The following HCFC1 variants were observed in gnomAD, a reference collection of about 807,000 sequenced individuals.
HCFC1 encodes the protein host cell factor C1.
HCFC1 carries 7 observed loss-of-function variants against 105.5 expected under a neutral mutation model. The ratio of observed to expected loss-of-function variants is 0.07; its 90% CI spans 0.04 to 0.12. The LOEUF is 0.12. Among genes scored for constraint, HCFC1 ranks in the 10% least tolerant of loss-of-function variants. The pLI is 1.00. For missense variants in HCFC1, 1,065 were observed against 1,823.6 expected, an observed-to-expected ratio of 0.58 and a Z score of 7.58; for synonymous variants, 918 against 828.1, an observed-to-expected ratio of 1.11 and a Z score of -1.86.
In HCFC1 at chrX:153,949,052, C is replaced by T. The variant is rs2065283599; in HGVS notation, c.*295G>A. 9 of 234,244 alleles carry T rather than the reference C, an allele frequency of 3.8e-5. No homozygotes were observed. Among genetic ancestry groups the T allele is most frequent in the Admixed American group, 6.5e-5 (1 of 15,462 alleles). The allele number at this position is 234,244 out of a possible 1,213,427, so 19.3% of individuals were successfully genotyped here. ...AGGGCGGAGCTGGCTGTCCTCAGCT[C>T]CGCCTTCCCTCCCCGCAAAAGTCTC... On this transcript the variant is annotated 3_prime_UTR_variant, in exon 26 of 26. Coordinates refer to ENST00000310441, the MANE Select transcript of HCFC1 (RefSeq NM_005334.3).
chrX:153,970,555 G>A, intron 1 of HCFC1, 93 bp downstream of exon 1: 1 of 582,841 alleles, frequency 1.7e-6, no homozygotes, highest in South Asian at 2.8e-5. Context: ...GGAGGAGAGG[G>A]AGGGAGCAGA....
intron 1 of HCFC1, among the ~76,000 whole-genome samples, chrX:153,965,023 G>A (rs1408077026): frequency 9.0e-6 from 1 of 111,043 alleles, no homozygotes; most frequent in African/African-American, 3.3e-5. Flanking sequence ...TCCTTCCCTA[G>A]CACTCAGTGA....
chrX:153,950,146 C>T, intron 24 of HCFC1, 97 bp downstream of exon 24: 1 of 921,739 alleles, frequency 1.1e-6, no homozygotes, highest in South Asian at 2.5e-5. Context: ...GGAGACGCCG[C>T]ACATGGGAAA....
Position 153,971,342 on chromosome X carries a change from G to C in HCFC1, c.-502C>G, listed in dbSNP as rs1020594425. ...GTCGTCGCAGCCCCGCCGGCGCTCAGACCACAATTGTGGGAGCCGCCATCT... is the reference window on the plus strand; with the variant it reads ...GTCGTCGCAGCCCCGCCGGCGCTCACACCACAATTGTGGGAGCCGCCATCT... On this transcript the variant is annotated 5_prime_UTR_variant, in exon 1 of 26. Coordinates refer to ENST00000310441, the MANE Select transcript of HCFC1 (RefSeq NM_005334.3). 3.4e-6 allele frequency: 1 copy of C among 297,301 alleles called. No homozygotes were observed. The highest frequency in any genetic ancestry group is 6.1e-5 in the Admixed American group (1 of 16,488). 24.5% of individuals were successfully genotyped at this position (297,301 alleles called of 1,213,427 possible).
chrX:153,962,051 TC>T (rs1341009455), intron 5 of HCFC1, among the ~76,000 whole-genome samples, 170 bp downstream of exon 5: 1 of 111,446 alleles, frequency 9.0e-6, no homozygotes, highest in Non-Finnish European at 1.9e-5. Context: ...AATCTGTCTT[TC>T]CTTGGTCCCC....
chrX:153,958,193 C>T lies in HCFC1; in HGVS notation c.1860G>A (p.Ser620=), dbSNP rs2065396257. 1.7e-6 allele frequency: 2 copies of T among 1,211,951 alleles called. No homozygotes were observed. ...LKTAAAQVGT[S]VSSATNTSTR... The stretch of plus-strand genomic sequence containing the variant: ...TAGACGTGTTGGTGGCGGAGGAAAC[C>T]GATGTCCCCACCTGGGCGGCTGCAG... Residue 620 remains serine (S), a synonymous_variant, in exon 11 of 26, where the codon TCG becomes TCA. Transcript: ENST00000310441.
intron 22 of HCFC1, 38 bp downstream of exon 22, chrX:153,951,312 C>T: frequency 8.3e-7 from 1 of 1,202,477 alleles, no homozygotes; most frequent in South Asian, 1.8e-5. Flanking sequence ...GAGCCAAGAC[C>T]CACCCACCTG....
At chrX:153,969,296 G>C (rs2065502426) in intron 1 of HCFC1, 1 of 110,915 alleles carries the variant, frequency 9.0e-6, no homozygotes, top group Non-Finnish European at 1.9e-5. Flanking sequence ...CACTCAGCGA[G>C]GGTTTGTCTG....
intron 1 of HCFC1, among the ~76,000 whole-genome samples, 195 bp downstream of exon 1, chrX:153,970,453 G>C (rs2065517831): frequency 1.0e-5 from 1 of 96,439 alleles, no homozygotes; most frequent in Non-Finnish European, 2.1e-5. Flanking sequence ...GGGGAGAAGG[G>C]GGAGGGGGAC....
chrX:153,951,538 A>ACGGACTCAG (rs782089641), intron 21 of HCFC1, 51 bp from the exon 22 acceptor site: 86 of 1,205,290 alleles, frequency 7.1e-5, no homozygotes, highest in Non-Finnish European at 9.1e-5. Context: ...ACCTAGAGGC[A>ACGGACTCAG]GTGCTGCCCC....
intron 15 of HCFC1, 92 bp downstream of exon 15, chrX:153,956,533 C>T: frequency 8.8e-7 from 1 of 1,136,472 alleles, no homozygotes; most frequent in African/African-American, 1.8e-5. Context: ...AGAGGAGCTG[C>T]TGTGCCACCC....
intron 13 of HCFC1, 122 bp downstream of exon 13, chrX:153,957,191 AG>A: frequency 2.1e-6 from 2 of 966,954 alleles, no homozygotes; most frequent in Non-Finnish European, 2.8e-6. Flanking sequence ...TAGACACAAA[AG>A]GCAGCAAGGA....
At chrX:153,951,070 G>A (rs1749122493) in intron 22 of HCFC1, 72 bp from the exon 23 acceptor site, 3 of 994,887 alleles carry the variant, frequency 3.0e-6, no homozygotes, top group Non-Finnish European at 4.2e-6. Context: ...AACACTGCAG[G>A]TCCATGGTAA....
rs372516617 is a variant in HCFC1 at position 153,962,302 on chromosome X, G to C, written c.717C>G (p.Thr239=). The C allele has an allele frequency of 8.1e-4, 968 of 1,200,762 alleles. 1 individual carries two copies. Among genetic ancestry groups the C allele is most frequent in the Non-Finnish European group, 1.1e-3 (949 of 887,163 alleles). The stretch of plus-strand genomic sequence containing the variant: ...TGAGACTGGGCTTATTCCACGTCAG[G>C]GTGTCTGCAGAGAGACGGAGGGGAA... ...LGDLWTLDID[T]LTWNKPSLSG... The change falls in exon 5 of 26, where the codon ACC becomes ACG. Residue 239 remains threonine, a synonymous_variant. Coordinates refer to ENST00000310441, the MANE Select transcript of HCFC1 (RefSeq NM_005334.3).
chrX:153,956,467 G>T, intron 15 of HCFC1, 56 bp from the exon 16 acceptor site: 1 of 1,139,946 alleles, frequency 8.8e-7, no homozygotes, highest in Non-Finnish European at 1.2e-6. Context: ...CTTCCCAGCA[G>T]CTCCTCCTGC....
chrX:153,970,862 G>A lies in HCFC1; in HGVS notation c.-22C>T. 1 of 1,128,124 alleles carries A rather than the reference G, an allele frequency of 8.9e-7. No individual in the cohort carries two copies. 93.0% of individuals were successfully genotyped at this position (1,128,124 alleles called of 1,213,427 possible). A position where few individuals can be genotyped will look rare whatever the true frequency, so the allele number is the denominator to read the frequency against. On this transcript the variant is annotated 5_prime_UTR_variant, in exon 1 of 26. Coordinates refer to ENST00000310441, the MANE Select transcript of HCFC1 (RefSeq NM_005334.3). Reference sequence around the variant, plus strand: ...CCATAGTTCCGGGAAAGGGTGCGGTGGGGAGAAGTCAACAAGCGGGAAGGG... The same window carrying A: ...CCATAGTTCCGGGAAAGGGTGCGGTAGGGAGAAGTCAACAAGCGGGAAGGG...
At chrX:153,960,554 CAAAG>C in intron 6 of HCFC1, 140 bp from the exon 7 acceptor site, 1 of 428,996 alleles carries the variant, frequency 2.3e-6, no homozygotes, top group Non-Finnish European at 3.8e-6. Flanking sequence ...AACAACAAAA[CAAAG>C]AAACCCTTTG....
rs2065381323 is a variant in HCFC1, at chrX:153,956,775, G to A, written c.2497-12C>T. ...CCCTTAAGCACCACCTGGAACACCA[G>A]AGGAAAGTGCCACCAACGTCACCAC... On this transcript the variant is annotated splice_polypyrimidine_tract_variant and intron_variant, in intron 14 of 25. Transcript: ENST00000310441. 3 of 1,208,621 alleles carry A rather than the reference G, an allele frequency of 2.5e-6. No homozygotes were observed. The highest frequency in any genetic ancestry group is 1.7e-5 in the African/African-American group (1 of 57,236).
rs1194317985 is a variant in HCFC1 at position 153,953,622 on chromosome X, C to T, written c.4482G>A (p.Pro1494=). The T allele has an allele frequency of 1.1e-5, 13 of 1,207,170 alleles. No homozygotes were observed. The highest frequency in any genetic ancestry group is 7.1e-5 in the South Asian group (4 of 56,707). Residue 1494 remains proline, a synonymous_variant, in exon 18 of 26, where the codon CCG becomes CCA. Transcript: ENST00000310441. The part of the protein sequence containing the change: ...VTTVTQSTPV[P]GPSVPPPEEL... ...GGGCTCTTACCGGCACAGAGGGGCC[C>T]GGGACCGGTGTGGACTGCGTCACGG...
Sources: allele counts gnomAD v4.1 joint callset (sites outside exome capture counted in the v4.1 genomes callset), GRCh38; gene constraint gnomAD v4.1.1; transcripts MANE v1.5; gene names NCBI Gene and HGNC (gene_info 2026-07-23, HGNC 2026-07-21).